Variants in COL16A1 observed in about 807,000 individuals in gnomAD.
COL16A1 encodes the protein collagen alpha-1(XVI) chain.
COL16A1 carries 189 observed loss-of-function variants against 266.3 expected under a neutral mutation model. The ratio of observed to expected loss-of-function variants is 0.71; its 90% CI spans 0.63 to 0.80. The LOEUF is 0.80. Ranked by LOEUF, COL16A1 falls within the 30% of genes least tolerant of loss-of-function variation. The probability of loss-of-function intolerance (pLI) is 0.00; values close to 1 mark genes in which losing one functional copy is unlikely to be tolerated. For synonymous variants in COL16A1, 740 were observed against 782.3 expected, an observed-to-expected ratio of 0.95 and a Z score of 0.90; for missense variants, 1,928 against 2,122.4, an observed-to-expected ratio of 0.91 and a Z score of 1.80.
At chr1:31,700,773 T>G (rs1331233341) in intron 2 of COL16A1, among the ~76,000 whole-genome samples, 1 of 152,140 alleles carries the variant, frequency 6.6e-6, no homozygotes, top group Non-Finnish European at 1.5e-5. Context: ...ATAACCACCT[T>G]GTGAAACAGC....
chr1:31,702,177 G>A lies in COL16A1; in HGVS notation c.17C>T (p.Ala6Val). 6.2e-7 allele frequency: 1 copy of A among 1,614,162 alleles called. No individual in the cohort carries two copies. The highest frequency in any genetic ancestry group is 8.5e-7 in the Non-Finnish European group (1 of 1,180,016). Residue 6 changes from alanine to valine, a missense_variant, in exon 2 of 71, where the codon GCT becomes GTT. This residue lies in a region of COL16A1 where 1,552 missense variants were observed against 1,637.2 expected (regional missense o/e 0.95). Transcript: ENST00000373672. The part of the protein sequence containing the change: MWVSW[A>V]PGLWLLGLWA... ...AAGACCGAGCAGCCACAGGCCAGGA[G>A]CCCAGGATACCCACATCCCGGTCCA...
At chr1:31,653,770 CACA>C in intron 69 of COL16A1, 94 bp from the exon 70 acceptor site, 1 of 1,570,984 alleles carries the variant, frequency 6.4e-7, no homozygotes, top group Non-Finnish European at 8.7e-7. Context: ...CACACACACA[CACA>C]CATACATCCC....
chr1:31,679,392 G>A, intron 42 of COL16A1: 1 of 1,520,130 alleles, frequency 6.6e-7, no homozygotes, highest in Non-Finnish European at 8.9e-7. Flanking sequence ...CCAGATTGTG[G>A]GTGCCTGACA....
chr1:31,697,612 C>A lies in COL16A1; in HGVS notation c.657+294G>T, dbSNP rs972164032. On this transcript the variant is annotated intron_variant, in intron 6 of 70. Coordinates refer to ENST00000373672, the MANE Select transcript of COL16A1 (RefSeq NM_001856.4). This position sits in a 1 kb window ranked among gnomAD's most constrained non-coding sequence, Gnocchi z 4.2. ...TTCCAGGTGGAGGTAACAGCGTAGG[C>A]AAAGGCACGGCAGTGTGAAAGCACT... Among the ~76,000 whole-genome samples, 4 of 152,122 alleles carry A rather than the reference C, an allele frequency of 2.6e-5. No homozygotes were observed. The highest frequency in any genetic ancestry group is 2.6e-4 in the Admixed American group (4 of 15,272).
rs757038929 is a variant in COL16A1 at position 31,675,020 on chromosome 1, T to C, written c.2846A>G (p.Gln949Arg). The C allele has an allele frequency of 1.2e-6, 2 of 1,613,108 alleles. No individual in the cohort carries two copies. Among genetic ancestry groups the C allele is most frequent in the South Asian group, 1.1e-5 (1 of 90,746 alleles). ...TAELGSLPIEQHLLKSICGDC... is the reference protein window; with the variant it reads ...TAELGSLPIERHLLKSICGDC... ...GTACCCTCTTACCTTAAGGAGGTGC[T>C]GTTCAATTGGTAAGGATCCCTGCAA... The change falls in exon 44 of 71, where the codon CAG (glutamine) becomes CGG (arginine). Residue 949 changes from glutamine to arginine, a missense_variant. This residue lies in a region of COL16A1 where 1,552 missense variants were observed against 1,637.2 expected (regional missense o/e 0.95). Coordinates refer to ENST00000373672, the MANE Select transcript of COL16A1 (RefSeq NM_001856.4).
chr1:31,655,550 C>T (rs1641060749), intron 66 of COL16A1, 48 bp from the exon 67 acceptor site: 1 of 1,604,544 alleles, frequency 6.2e-7, no homozygotes, highest in Non-Finnish European at 8.5e-7. Context: ...CATGATGTCT[C>T]ACCAATCTGC....
At position 31,672,725 on chromosome 1, in the gene COL16A1, T is replaced by A. The variant is rs1465418561; in HGVS notation, c.2975A>T (p.Gln992Leu). The A allele has an allele frequency of 8.1e-6, 13 of 1,613,810 alleles. No individual in the cohort carries two copies. In the Admixed American group the frequency reaches 2.2e-4, roughly 27 times the overall value. ...PGVPGLDNCA[Q>L]CFLSLERPRA... ...GCAGCCCCAAGCCCAGTCCCTTACCTGGGCGCAGTTGTCGAGGCCTGGCAC... is the reference window on the plus strand; with the variant it reads ...GCAGCCCCAAGCCCAGTCCCTTACCAGGGCGCAGTTGTCGAGGCCTGGCAC... The change falls in exon 45 of 71, where the codon CAG becomes CTG. Residue 992 changes from glutamine to leucine, a missense_variant and splice_region_variant. Gln to Leu is a moderately radical substitution (Grantham distance 113). Around this residue, in one of 2 missense-constraint regions of COL16A1, gnomAD observed 1,552 missense variants for 1,637.2 expected, o/e 0.95. Coordinates refer to ENST00000373672, the MANE Select transcript of COL16A1 (RefSeq NM_001856.4).
At chr1:31,692,164 T>C in intron 16 of COL16A1, 97 bp from the exon 17 acceptor site, 3 of 1,557,560 alleles carry the variant, frequency 1.9e-6, no homozygotes, top group East Asian at 2.2e-5. Flanking sequence ...TCTAGACCCC[T>C]GGTCTCTGTC....
Position 31,664,917 on chromosome 1 carries a change from C to T in COL16A1, c.3555+255G>A, listed in dbSNP as rs1319508780. ...CTCCCTGCCTTTCCCCCCATCACAG[C>T]AGACAAGGGCCTGGGCTGCACAGAG... is the stretch of plus-strand genomic sequence containing the variant. On this transcript the variant is annotated intron_variant, in intron 56 of 70. Transcript: ENST00000373672. This position sits in a 1 kb window ranked among gnomAD's most constrained non-coding sequence, Gnocchi z 5.5. Among the ~76,000 whole-genome samples, 1 of 152,150 alleles carries T rather than the reference C, an allele frequency of 6.6e-6. No individual in the cohort carries two copies. The highest frequency in any genetic ancestry group is 1.5e-5 in the Non-Finnish European group (1 of 68,030).
rs773881913 is a variant in COL16A1, at chr1:31,680,008, C to T, written c.2670+34G>A. 5.0e-6 allele frequency: 8 copies of T among 1,611,952 alleles called. No individual in the cohort carries two copies. In the African/African-American group the frequency reaches 1.1e-4, roughly 22 times the overall value. On this transcript the variant is annotated intron_variant, in intron 40 of 70. Transcript: ENST00000373672. ...ACGAGGCTGAAGCTGGTCCTCTCCC[C>T]CAGTTGGGGGAAGGCTCTCACAGCG...
rs369632837 is a variant in COL16A1 at position 31,665,823 on chromosome 1, T to C, written c.3456+59A>G. On this transcript the variant is annotated intron_variant, in intron 54 of 70. Transcript: ENST00000373672. Reference sequence around the variant, plus strand: ...AGGGTGGGGAGACTAGAGCTGGTGATCACCAGGGACCCAGCTCCTTCCCTG... The same window carrying C: ...AGGGTGGGGAGACTAGAGCTGGTGACCACCAGGGACCCAGCTCCTTCCCTG... 2.1e-5 allele frequency: 34 copies of C among 1,610,688 alleles called. No homozygotes were observed. In the African/African-American group the frequency reaches 3.6e-4, roughly 17 times the overall value.
rs55775435 is a variant in COL16A1, at chr1:31,703,950, G to A, written c.-148C>T. ...TCTCTATCTCTCCGTGACGGTCACG[G>A]GTCCCCAGCTTCCTGGCGCTCGAGC... is the stretch of plus-strand genomic sequence containing the variant. On this transcript the variant is annotated 5_prime_UTR_variant, in exon 1 of 71. Coordinates refer to ENST00000373672, the MANE Select transcript of COL16A1 (RefSeq NM_001856.4). 3,409 of 152,406 alleles carry A rather than the reference G, an allele frequency of 0.022. 44 individuals carry two copies. The highest frequency in any genetic ancestry group is 0.034 in the Non-Finnish European group (2,329 of 68,096). 9.4% of individuals were successfully genotyped at this position (152,406 alleles called of 1,614,324 possible).
intron 54 of COL16A1, 97 bp downstream of exon 54, chr1:31,665,785 C>T (rs1457715735): frequency 6.2e-7 from 1 of 1,606,316 alleles, no homozygotes; most frequent in Non-Finnish European, 8.5e-7. Context: ...TAGGTCACAA[C>T]CCAAGGACAG....
chr1:31,661,729 G>A, intron 58 of COL16A1, 25 bp from the exon 59 acceptor site: 1 of 1,589,202 alleles, frequency 6.3e-7, no homozygotes, highest in Non-Finnish European at 8.5e-7. Flanking sequence ...GAGGAGGATT[G>A]AGACAAGAGT....
chr1:31,695,601 C>T (rs1401692623), intron 10 of COL16A1, among the ~76,000 whole-genome samples, 160 bp downstream of exon 10: 5 of 152,126 alleles, frequency 3.3e-5, no homozygotes, highest in African/African-American at 4.8e-5. Flanking sequence ...CCCAACCCAA[C>T]GAGAGGCAGT....
intron 62 of COL16A1, chr1:31,660,070 T>G (rs979832243): frequency 6.9e-6 from 1 of 145,330 alleles, no homozygotes; most frequent in African/African-American, 2.8e-5. Context: ...GTATCTTCGC[T>G]TTTCTCTGGA....
At chr1:31,690,262 G>A (rs1468180729) in intron 22 of COL16A1, 105 bp downstream of exon 22, 2 of 1,535,544 alleles carry the variant, frequency 1.3e-6, no homozygotes, top group Non-Finnish European at 1.8e-6. Context: ...GGTCCCCTGA[G>A]GAAGGTCCAG....
rs752254203 is a variant in COL16A1 at position 31,670,862 on chromosome 1, G to A, written c.3151-216C>T. 2.6e-5 allele frequency among the ~76,000 whole-genome samples: 4 copies of A among 152,178 alleles called. No homozygotes were observed. The highest frequency in any genetic ancestry group is 1.9e-4 in the East Asian group (1 of 5,188). On this transcript the variant is annotated intron_variant, in intron 48 of 70. Transcript: ENST00000373672. This position sits in a 1 kb window ranked among gnomAD's most constrained non-coding sequence, Gnocchi z 4.5. ...ATGGCTCCTCCGTTGACGGAGATGCGGAATGGCTCCAGAGTCAGAGGGCTT... is the reference window on the plus strand; with the variant it reads ...ATGGCTCCTCCGTTGACGGAGATGCAGAATGGCTCCAGAGTCAGAGGGCTT...
Position 31,698,560 on chromosome 1 carries a change from T to C in COL16A1, c.313A>G (p.Thr105Ala). The C allele has an allele frequency of 6.2e-7, 1 of 1,614,004 alleles. No homozygotes were observed. Among genetic ancestry groups the C allele is most frequent in the Non-Finnish European group, 8.5e-7 (1 of 1,179,986 alleles). Reference sequence around the variant, plus strand: ...TGGGTGTGTTTCTTCAGCAGTAGTGTCAGCACCAGGGCAAACTCCTCCGGG... The same window carrying C: ...TGGGTGTGTTTCTTCAGCAGTAGTGCCAGCACCAGGGCAAACTCCTCCGGG... ...GLPEEFALVL[T>A]LLLKKHTHQK... The change falls in exon 5 of 71, where the codon ACA becomes GCA. Residue 105 changes from threonine to alanine, a missense_variant. By Grantham distance (58) the Thr-to-Ala change is moderately conservative (BLOSUM62 0). Transcript: ENST00000373672. This position sits in a 1 kb window ranked among gnomAD's most constrained non-coding sequence, Gnocchi z 4.1.
Sources: allele counts gnomAD v4.1 joint callset (sites outside exome capture counted in the v4.1 genomes callset), GRCh38; gene constraint gnomAD v4.1.1; regional missense constraint gnomAD v4.1.1; non-coding constraint Gnocchi (gnomAD v3.1); transcripts MANE v1.5; gene names NCBI Gene and HGNC (gene_info 2026-07-23, HGNC 2026-07-21).